HDAC1: variants seen among roughly 807,000 people sequenced by gnomAD.
HDAC1 encodes protein deacetylase HDAC1.
HDAC1 carries 18 observed loss-of-function variants against 65.5 expected under a neutral mutation model. The ratio of observed to expected loss-of-function variants is 0.27; its 90% CI spans 0.19 to 0.41. The LOEUF (loss-of-function observed/expected upper bound fraction) is 0.41, where lower values mean the gene tolerates loss of function less well. Ranked by LOEUF, HDAC1 falls within the 10% of genes least tolerant of loss-of-function variation. HDAC1 has a pLI of 1.00. For synonymous variants in HDAC1, 211 were observed against 227.9 expected (o/e 0.93, Z 0.67); for missense variants, 373 against 625.2 (o/e 0.60, Z 4.30).
intron 3 of HDAC1, among the ~76,000 whole-genome samples, chr1:32,317,265 TG>T (rs1447392761): frequency 1.3e-5 from 2 of 152,162 alleles, no homozygotes; most frequent in Non-Finnish European, 2.9e-5. Flanking sequence ...TGAGATGAGG[TG>T]ATGCTGCCCC....
chr1:32,316,670 T>C lies in HDAC1; in HGVS notation c.168T>C (p.Pro56=), dbSNP rs141080688. ...GLYRKMEIYR[P]HKANAEEMTK... is the part of the protein sequence containing the mutation. ...TTCTCCCTTCTGCCCTCTAGCGCCCTCACAAAGCCAATGCTGAGGAGATGA... is the reference window on the plus strand; with the variant it reads ...TTCTCCCTTCTGCCCTCTAGCGCCCCCACAAAGCCAATGCTGAGGAGATGA... The change falls in exon 3 of 14, where the codon CCT becomes CCC. Residue 56 remains proline, a synonymous_variant. Transcript: ENST00000373548. 78 of 1,609,956 alleles carry C rather than the reference T, an allele frequency of 4.8e-5. No homozygotes were observed. The African/African-American group carries it at 8.0e-4, about 17-fold the overall frequency.
At chr1:32,292,591 C>T (rs775613788) in intron 1 of HDAC1, among the ~76,000 whole-genome samples, 5 of 152,008 alleles carry the variant, frequency 3.3e-5, no homozygotes, top group Non-Finnish European at 5.9e-5. Context: ...TCTTCCCTGC[C>T]CCGTCCCTTC....
chr1:32,298,871 G>A (rs1640808072), intron 1 of HDAC1, among the ~76,000 whole-genome samples: 1 of 152,118 alleles, frequency 6.6e-6, no homozygotes, highest in Admixed American at 6.5e-5. Context: ...GGTGGCACAT[G>A]TCTGTAATCC....
chr1:32,307,491 A>G (rs538895231), intron 2 of HDAC1, among the ~76,000 whole-genome samples: 3 of 152,316 alleles, frequency 2.0e-5, no homozygotes, highest in African/African-American at 7.2e-5. Context: ...CGATCTGATT[A>G]CTGAGAGGGC....
At chr1:32,299,995 T>G (rs1278476988) in intron 1 of HDAC1, among the ~76,000 whole-genome samples, 1 of 151,844 alleles carries the variant, frequency 6.6e-6, no homozygotes, top group Non-Finnish European at 1.5e-5. Context: ...GAGGCGGAGC[T>G]TGCAGTGAGC....
intron 2 of HDAC1, among the ~76,000 whole-genome samples, chr1:32,306,020 T>G (rs1640905770): frequency 6.6e-6 from 1 of 152,134 alleles, no homozygotes; most frequent in Admixed American, 6.6e-5. Context: ...GGGCTCTCTG[T>G]TCGGTTGACT....
At chr1:32,309,390 T>A (rs925568112) in intron 2 of HDAC1, among the ~76,000 whole-genome samples, 7 of 152,100 alleles carry the variant, frequency 4.6e-5, no homozygotes, top group African/African-American at 1.7e-4. Flanking sequence ...TCTCTCTTTT[T>A]TAAGAGACAG....
At chr1:32,300,057 C>CA (rs1448710862) in intron 1 of HDAC1, among the ~76,000 whole-genome samples, 7 of 147,036 alleles carry the variant, frequency 4.8e-5, no homozygotes, top group Admixed American at 6.8e-5. Flanking sequence ...GACTCTGTCT[C>CA]AAAAAAAAAG....
chr1:32,311,005 T>C (rs1640983883), intron 2 of HDAC1, among the ~76,000 whole-genome samples: 1 of 151,956 alleles, frequency 6.6e-6, no homozygotes, highest in South Asian at 2.1e-4. Flanking sequence ...CAGCATAAAT[T>C]AACAATGGTT....
chr1:32,324,382 C>T (rs1424616454), intron 3 of HDAC1, 97 bp from the exon 4 acceptor site: 23 of 822,016 alleles, frequency 2.8e-5, no homozygotes, highest in Admixed American at 7.2e-5. Flanking sequence ...AGAACCCACA[C>T]CTCCTGAATT....
rs145382869 is a variant in HDAC1 at position 32,320,242 on chromosome 1, A to C, written c.280+3460A>C. On this transcript the variant is annotated intron_variant, in intron 3 of 13. Coordinates refer to ENST00000373548, the MANE Select transcript of HDAC1 (RefSeq NM_004964.3). ...CTCAAAAAGAAAAAAAAAAAAACCC[A>C]CACACACACAAAAACATCCCACACA... 4.0e-3 allele frequency among the ~76,000 whole-genome samples: 604 copies of C among 151,018 alleles called. 2 individuals carry two copies. The highest frequency in any genetic ancestry group is 0.013 in the African/African-American group (557 of 41,286).
Position 32,330,438 on chromosome 1 carries a change from G to A in HDAC1, c.730-140G>A. On this transcript the variant is annotated intron_variant, in intron 7 of 13. Coordinates refer to ENST00000373548, the MANE Select transcript of HDAC1 (RefSeq NM_004964.3). The surrounding 1 kb of genome is among the most constrained non-coding windows in gnomAD (Gnocchi z 4.2). ...GTGGGCAAGCAAGGGCTCCAGCCTA[G>A]CACTCCCTTTTCTCTCCCACATAGC... 1.4e-6 allele frequency: 1 copy of A among 696,544 alleles called. No individual in the cohort carries two copies. Among genetic ancestry groups the A allele is most frequent in the Non-Finnish European group, 2.6e-6 (1 of 388,508 alleles). The allele number at this position is 696,544 out of a possible 1,614,324, so 43.1% of individuals were successfully genotyped here. A position where few individuals can be genotyped will look rare whatever the true frequency, so the allele number is the denominator to read the frequency against.
At position 32,327,453 on chromosome 1, in the gene HDAC1, A is replaced by G. The variant is rs753622373; in HGVS notation, c.495-83A>G. 1.1e-5 allele frequency: 12 copies of G among 1,055,810 alleles called. No homozygotes were observed. The highest frequency in any genetic ancestry group is 1.6e-5 in the Non-Finnish European group (11 of 690,390). The allele number at this position is 1,055,810 out of a possible 1,614,324, so 65.4% of individuals were successfully genotyped here. On this transcript the variant is annotated intron_variant, in intron 5 of 13. Coordinates refer to ENST00000373548, the MANE Select transcript of HDAC1 (RefSeq NM_004964.3). The surrounding 1 kb of genome is among the most constrained non-coding windows in gnomAD (Gnocchi z 6.0). ...TTAGAGATACCTGAGGGAGGCAGCC[A>G]GCCCGGTAAGCTGGGAGCTAGCGCC...
At chr1:32,320,325 T>C (rs1641123637) in intron 3 of HDAC1, among the ~76,000 whole-genome samples, 2 of 152,130 alleles carry the variant, frequency 1.3e-5, no homozygotes, top group Non-Finnish European at 2.9e-5. Context: ...TCCTTGCTTG[T>C]GGCTGAAATG....
chr1:32,325,427 C>T (rs891404400), intron 4 of HDAC1, among the ~76,000 whole-genome samples: 5 of 152,320 alleles, frequency 3.3e-5, no homozygotes, highest in African/African-American at 1.2e-4. Flanking sequence ...CAATCACCCA[C>T]AGTCACAGGG....
intron 1 of HDAC1, 134 bp downstream of exon 1, chr1:32,292,352 G>A: frequency 1.3e-6 from 2 of 1,501,440 alleles, no homozygotes; most frequent in South Asian, 1.3e-5. Flanking sequence ...GAGGCTGCGA[G>A]GGGGAAGTCG....
At chr1:32,322,206 A>G (rs1419072420) in intron 3 of HDAC1, among the ~76,000 whole-genome samples, 1 of 151,886 alleles carries the variant, frequency 6.6e-6, no homozygotes, top group East Asian at 1.9e-4. Context: ...GCTGGGCAAG[A>G]GAATAAGTAT....
intron 2 of HDAC1, among the ~76,000 whole-genome samples, chr1:32,313,148 C>T (rs578111099): frequency 1.6e-4 from 24 of 151,492 alleles, no homozygotes; most frequent in African/African-American, 5.3e-4. Context: ...CAGGCTGGAA[C>T]GCAGTGGCAT....
chr1:32,332,279 C>G lies in HDAC1; in HGVS notation c.1372+37C>G, dbSNP rs1395284942. On this transcript the variant is annotated intron_variant, in intron 12 of 13. Transcript: ENST00000373548. ...TTCAGCTGGGACTTGGGTCTCGAGC[C>G]TGAGAGGATGAATCTATGTAGGGCA... The G allele has an allele frequency of 6.9e-6, 11 of 1,584,892 alleles. No homozygotes were observed. In the South Asian group the frequency reaches 1.2e-4, roughly 17 times the overall value.
Sources: gnomAD v4.1 joint callset for allele counts (sites outside exome capture counted in the v4.1 genomes callset) on GRCh38, gnomAD v4.1.1 for gene constraint, Gnocchi (gnomAD v3.1) non-coding constraint, MANE v1.5 for transcripts, NCBI Gene and HGNC (gene_info 2026-07-23, HGNC 2026-07-21) for gene names.